PLCL1: variants seen among roughly 807,000 people sequenced by gnomAD.
PLCL1 encodes inactive phospholipase C-like protein 1.
A neutral mutation model predicts 84.4 loss-of-function variants in PLCL1; 41 were observed. The ratio of observed to expected loss-of-function variants is 0.49; its 90% CI spans 0.38 to 0.63. PLCL1 has a LOEUF of 0.63. PLCL1 is among the 30% of genes least tolerant of loss of function. The probability of loss-of-function intolerance (pLI) is 0.00; values close to 1 mark genes in which losing one functional copy is unlikely to be tolerated. For missense variants in PLCL1, 1,206 were observed against 1,367.8 expected (o/e 0.88, Z 1.87); for synonymous variants, 490 against 488.3 (o/e 1.00, Z -0.05).
At chr2:197,808,998 G>T (rs892813722) in intron 1 of PLCL1, among the ~76,000 whole-genome samples, 1 of 152,122 alleles carries the variant, frequency 6.6e-6, no homozygotes, top group African/African-American at 2.4e-5. Flanking sequence ...CTTGGGTGTT[G>T]TTCATGTCTC....
chr2:198,093,266 A>C (rs904275580), intron 3 of PLCL1, among the ~76,000 whole-genome samples: 15 of 152,306 alleles, frequency 9.8e-5, no homozygotes, highest in African/African-American at 3.6e-4. Flanking sequence ...CAACACAAAG[A>C]GTCAACCCTA....
chr2:198,056,805 C>A (rs1022483541), intron 1 of PLCL1, among the ~76,000 whole-genome samples: 3 of 151,748 alleles, frequency 2.0e-5, no homozygotes, highest in African/African-American at 7.3e-5. Flanking sequence ...TGTAGATAGA[C>A]CTGTTGAAGT....
chr2:198,125,019 A>G (rs371589968), intron 5 of PLCL1, among the ~76,000 whole-genome samples: 2 of 152,158 alleles, frequency 1.3e-5, no homozygotes, highest in Non-Finnish European at 2.9e-5. Flanking sequence ...AGTGACTACC[A>G]TAATGGACAA....
intron 1 of PLCL1, among the ~76,000 whole-genome samples, chr2:197,906,085 T>C (rs1212264228): frequency 2.0e-5 from 3 of 152,248 alleles, no homozygotes; most frequent in African/African-American, 7.2e-5. Flanking sequence ...ATCCCATTTG[T>C]CAATTTTGGC....
At chr2:197,908,946 T>G (rs1255989596) in intron 1 of PLCL1, among the ~76,000 whole-genome samples, 1 of 152,222 alleles carries the variant, frequency 6.6e-6, no homozygotes. Flanking sequence ...GTTTCAAGAT[T>G]GATGATAATG....
chr2:197,852,728 C>G (rs1357719315), intron 1 of PLCL1, among the ~76,000 whole-genome samples: 1 of 152,094 alleles, frequency 6.6e-6, no homozygotes, highest in African/African-American at 2.4e-5. Flanking sequence ...TTAAACCTCT[C>G]CTATTTTGGG....
intron 5 of PLCL1, among the ~76,000 whole-genome samples, chr2:198,128,580 G>A (rs1035895412): frequency 6.6e-6 from 1 of 152,072 alleles, no homozygotes; most frequent in Non-Finnish European, 1.5e-5. Flanking sequence ...TTCTTGATAT[G>A]GTGGTGCCAG....
chr2:198,034,850 G>A (rs1249660959), intron 1 of PLCL1, among the ~76,000 whole-genome samples: 8 of 152,064 alleles, frequency 5.3e-5, no homozygotes, highest in Non-Finnish European at 1.0e-4. Context: ...TCGGTATTTC[G>A]TTGTTTTTCA....
chr2:197,870,629 T>C (rs920207904), intron 1 of PLCL1, among the ~76,000 whole-genome samples: 1 of 152,126 alleles, frequency 6.6e-6, no homozygotes, highest in Non-Finnish European at 1.5e-5. Context: ...GAGAGAAAAG[T>C]GTCAGGCTTG....
chr2:197,822,850 A>T (rs1325578374), intron 1 of PLCL1, among the ~76,000 whole-genome samples: 2 of 152,152 alleles, frequency 1.3e-5, no homozygotes, highest in Non-Finnish European at 2.9e-5. Flanking sequence ...TTTTCTGGAA[A>T]AAAATACATA....
At chr2:197,994,787 T>A (rs1380329452) in intron 1 of PLCL1, among the ~76,000 whole-genome samples, 1 of 152,224 alleles carries the variant, frequency 6.6e-6, no homozygotes, top group African/African-American at 2.4e-5. Flanking sequence ...AAATGTATTT[T>A]AATTGTGAAG....
chr2:197,892,496 T>C (rs1372227017), intron 1 of PLCL1, among the ~76,000 whole-genome samples: 3 of 152,200 alleles, frequency 2.0e-5, no homozygotes, highest in Admixed American at 6.5e-5. Flanking sequence ...CTACTTATCA[T>C]AGTGTTTATT....
intron 1 of PLCL1, among the ~76,000 whole-genome samples, chr2:197,964,874 T>C (rs1261674293): frequency 6.6e-6 from 1 of 152,192 alleles, no homozygotes; most frequent in Admixed American, 6.5e-5. Flanking sequence ...TCTATTGATA[T>C]ATCACATTGA....
In PLCL1 at chr2:198,082,376, G is replaced by A. The variant is rs540601945; in HGVS notation, c.241-1382G>A. Among the ~76,000 whole-genome samples the A allele has an allele frequency of 6.6e-5, 10 of 152,084 alleles. No homozygotes were observed. The East Asian group carries it at 9.7e-4, about 15-fold the overall frequency. ...GGAGAATCGCTTGAACTCGGGAGGC[G>A]GAGGTTGCATTGCACTGAAATCACG... On this transcript the variant is annotated intron_variant, in intron 1 of 5. Transcript: ENST00000428675.
At chr2:197,951,352 C>T (rs1689386177) in intron 1 of PLCL1, among the ~76,000 whole-genome samples, 1 of 152,098 alleles carries the variant, frequency 6.6e-6, no homozygotes, top group African/African-American at 2.4e-5. Flanking sequence ...TCACATGACC[C>T]TGCTCTTTCC....
intron 1 of PLCL1, among the ~76,000 whole-genome samples, chr2:197,827,881 T>C: frequency 6.6e-6 from 1 of 152,160 alleles, no homozygotes; most frequent in South Asian, 2.1e-4. Flanking sequence ...AATGTAACTG[T>C]TTTCTGTTTT....
At chr2:197,831,291 G>A (rs141718753) in intron 1 of PLCL1, among the ~76,000 whole-genome samples, 1,842 of 151,882 alleles carry the variant, frequency 0.012, 16 homozygotes, top group Middle Eastern at 0.02. Context: ...ATGCAAAGAC[G>A]CACATAAGCT....
At chr2:197,842,363 T>C (rs746061504) in intron 1 of PLCL1, among the ~76,000 whole-genome samples, 5 of 152,136 alleles carry the variant, frequency 3.3e-5, no homozygotes, top group Non-Finnish European at 5.9e-5. Flanking sequence ...ACAGCTGACA[T>C]TCTGACTTTT....
At chr2:197,865,261 G>C (rs1405585931) in intron 1 of PLCL1, among the ~76,000 whole-genome samples, 1 of 152,178 alleles carries the variant, frequency 6.6e-6, no homozygotes, top group Non-Finnish European at 1.5e-5. Flanking sequence ...ACGTAGGTCA[G>C]ATAGTTTATA....
Sources: gnomAD v4.1 joint callset for allele counts (sites outside exome capture counted in the v4.1 genomes callset) on GRCh38, gnomAD v4.1.1 for gene constraint, MANE v1.5 for transcripts, NCBI Gene and HGNC (gene_info 2026-07-23, HGNC 2026-07-21) for gene names.